Variants in FRG1 observed in about 807,000 individuals in gnomAD.
FRG1 encodes the protein FSHD region gene 1, also known as protein FRG1.
A neutral mutation model predicts 37.0 loss-of-function variants in FRG1; 19 were observed. The ratio of observed to expected loss-of-function variants is 0.51; its 90% CI spans 0.36 to 0.75. FRG1 has a LOEUF of 0.75. FRG1 is among the 30% of genes least tolerant of loss of function. FRG1 has a pLI of 0.00. For synonymous variants in FRG1, 73 were observed against 96.5 expected, an observed-to-expected ratio of 0.76 and a Z score of 1.43; for missense variants, 243 against 301.4, an observed-to-expected ratio of 0.81 and a Z score of 1.44.
rs570248078 is a variant in FRG1 at position 189,945,731 on chromosome 4, C to CT, written c.133+2466dup. Among the ~76,000 whole-genome samples, 39 of 151,558 alleles carry CT rather than the reference C, an allele frequency of 2.6e-4. No individual in the cohort carries two copies. In the East Asian group the frequency reaches 4.9e-3, roughly 19 times the overall value. On this transcript the variant is annotated intron_variant, in intron 2 of 8. Coordinates refer to ENST00000226798, the MANE Select transcript of FRG1 (RefSeq NM_004477.3). ...CTTTTGTATCCTTTTCTTGTAATGT[C>CT]TTTTTTTGATTTTGGTGTCAAGGTG...
At chr4:189,960,998 T>C in intron 7 of FRG1, 159 bp downstream of exon 7, 2 of 721,716 alleles carry the variant, frequency 2.8e-6, no homozygotes, top group Non-Finnish European at 4.5e-6. Flanking sequence ...AGCCCAGGAG[T>C]TCAAGGCTGC....
At chr4:189,949,579 T>C (rs1015811602) in intron 2 of FRG1, among the ~76,000 whole-genome samples, 4 of 152,222 alleles carry the variant, frequency 2.6e-5, no homozygotes, top group African/African-American at 7.2e-5. Flanking sequence ...TAATGAGTTA[T>C]TATATTTAAA....
intron 6 of FRG1, 74 bp from the exon 7 acceptor site, chr4:189,960,674 C>G: frequency 8.1e-7 from 1 of 1,236,514 alleles, no homozygotes; most frequent in Non-Finnish European, 1.1e-6. Flanking sequence ...CTCGAATGTT[C>G]TTATGTGATA....
At chr4:189,949,673 T>C (rs2411548) in intron 2 of FRG1, among the ~76,000 whole-genome samples, 4 of 151,980 alleles carry the variant, frequency 2.6e-5, no homozygotes, top group African/African-American at 7.2e-5. Flanking sequence ...TTAACTATTA[T>C]ATTTATAAGA....
chr4:189,949,910 C>G (rs1424237713), intron 2 of FRG1, among the ~76,000 whole-genome samples: 1 of 152,098 alleles, frequency 6.6e-6, no homozygotes, highest in South Asian at 2.1e-4. Context: ...GCCAGTTTTT[C>G]TATTTTTACG....
chr4:189,954,942 T>C (rs113162024), intron 4 of FRG1, 95 bp from the exon 5 acceptor site: 12 of 691,184 alleles, frequency 1.7e-5, no homozygotes, highest in African/African-American at 1.1e-4. Context: ...ATTTTAGATA[T>C]GTACACAGCC....
chr4:189,951,489 CAAAAA>C (rs70947948), intron 2 of FRG1, among the ~76,000 whole-genome samples: 1 of 114,560 alleles, frequency 8.7e-6, no homozygotes, highest in Non-Finnish European at 1.9e-5. Flanking sequence ...GTCTCCGTCT[CAAAAA>C]AAAAAAAAAA....
chr4:189,957,662 A>G (rs889152895), intron 6 of FRG1, among the ~76,000 whole-genome samples, 160 bp downstream of exon 6: 1 of 152,170 alleles, frequency 6.6e-6, no homozygotes, highest in African/African-American at 2.4e-5. Flanking sequence ...TATAAATCCC[A>G]TAGTTGATGT....
intron 2 of FRG1, among the ~76,000 whole-genome samples, chr4:189,948,449 G>A (rs2126804623): frequency 6.6e-6 from 1 of 152,314 alleles, no homozygotes; most frequent in South Asian, 2.1e-4. Context: ...TGGATTAATA[G>A]AAGGTCTGTG....
chr4:189,955,547 G>T (rs1255552242), intron 5 of FRG1, among the ~76,000 whole-genome samples: 1 of 152,026 alleles, frequency 6.6e-6, no homozygotes, highest in African/African-American at 2.4e-5. Flanking sequence ...GACAATTTGT[G>T]CATAAAATAA....
intron 1 of FRG1, among the ~76,000 whole-genome samples, chr4:189,941,328 G>A (rs1185376020): frequency 6.6e-6 from 1 of 152,182 alleles, no homozygotes; most frequent in African/African-American, 2.4e-5. Context: ...ACGAGTTTGG[G>A]TCCCCTGAGG....
At chr4:189,946,201 T>C (rs1736519934) in intron 2 of FRG1, among the ~76,000 whole-genome samples, 1 of 151,864 alleles carries the variant, frequency 6.6e-6, no homozygotes, top group Admixed American at 6.6e-5. Flanking sequence ...AGATCGTTAA[T>C]GATCGTTTAG....
chr4:189,944,302 G>A (rs959617602), intron 2 of FRG1, among the ~76,000 whole-genome samples: 66 of 152,218 alleles, frequency 4.3e-4, no homozygotes, highest in African/African-American at 1.5e-3. Context: ...TCAGCCTCCC[G>A]AGTAGCTGGG....
chr4:189,956,186 A>ACC (rs200367779), intron 5 of FRG1, among the ~76,000 whole-genome samples: 2 of 151,792 alleles, frequency 1.3e-5, no homozygotes, highest in Non-Finnish European at 2.9e-5. Flanking sequence ...ATTCTCTTTT[A>ACC]CCCCTTCCTC....
At chr4:189,942,083 T>C (rs1162619581) in intron 1 of FRG1, 1 of 183,266 alleles carries the variant, frequency 5.5e-6, no homozygotes, top group Non-Finnish European at 1.2e-5. Context: ...GAAAACTTTA[T>C]AATGAAAATG....
intron 2 of FRG1, among the ~76,000 whole-genome samples, chr4:189,945,415 G>C (rs1454436993): frequency 1.3e-5 from 2 of 152,146 alleles, no homozygotes; most frequent in South Asian, 4.1e-4. Flanking sequence ...ATCAAAATGA[G>C]GACATTCCTT....
chr4:189,957,829 T>A (rs1471313711), intron 6 of FRG1, among the ~76,000 whole-genome samples: 1 of 152,186 alleles, frequency 6.6e-6, no homozygotes, highest in Non-Finnish European at 1.5e-5. Flanking sequence ...ATTTTTAAAA[T>A]AGATAACATG....
intron 2 of FRG1, among the ~76,000 whole-genome samples, chr4:189,949,916 T>C (rs1394864294): frequency 2.0e-5 from 3 of 152,224 alleles, no homozygotes; most frequent in Non-Finnish European, 4.4e-5. Context: ...TTTTCTATTT[T>C]TACGTGTATG....
At position 189,953,713 on chromosome 4, in the gene FRG1, C is replaced by A. The variant is rs1579633945; in HGVS notation, c.317+588C>A. On this transcript the variant is annotated intron_variant, in intron 4 of 8. Coordinates refer to ENST00000226798, the MANE Select transcript of FRG1 (RefSeq NM_004477.3). Reference sequence around the variant, plus strand: ...CATTAATGTATAAAGGAGTAAAAGTCAATTCTGGCATCCCAGGAGATTCTC... The same window carrying A: ...CATTAATGTATAAAGGAGTAAAAGTAAATTCTGGCATCCCAGGAGATTCTC... 1.3e-5 allele frequency among the ~76,000 whole-genome samples: 2 copies of A among 151,140 alleles called. 1 individual carries two copies. The highest frequency in any genetic ancestry group is 4.3e-4 in the South Asian group (2 of 4,692).
Sources: gnomAD v4.1 joint callset for allele counts (sites outside exome capture counted in the v4.1 genomes callset) on GRCh38, gnomAD v4.1.1 for gene constraint, MANE v1.5 for transcripts, NCBI Gene and HGNC (gene_info 2026-07-23, HGNC 2026-07-21) for gene names.